Variants in NRG1 observed in about 807,000 individuals in gnomAD.
NRG1 encodes pro-neuregulin-1, membrane-bound isoform.
A neutral mutation model predicts 63.8 loss-of-function variants in NRG1; 18 were observed. The ratio of observed to expected loss-of-function variants is 0.28; its 90% CI spans 0.19 to 0.42. The LOEUF is 0.42. Among genes scored for constraint, NRG1 ranks in the 10% least tolerant of loss-of-function variants. The pLI is 1.00. For missense variants in NRG1, 762 were observed against 814.7 expected, an observed-to-expected ratio of 0.94 and a Z score of 0.79; for synonymous variants, 302 against 301.3, an observed-to-expected ratio of 1.00 and a Z score of -0.02.
At chr8:32,705,955 A>G (rs1454774966) in intron 5 of NRG1, among the ~76,000 whole-genome samples, 1 of 152,220 alleles carries the variant, frequency 6.6e-6, no homozygotes, top group African/African-American at 2.4e-5. Flanking sequence ...GACTATTTCT[A>G]TAAATTTCTT....
chr8:32,303,550 G>T (rs1336763503), intron 1 of NRG1, among the ~76,000 whole-genome samples: 1 of 152,150 alleles, frequency 6.6e-6, no homozygotes, highest in Non-Finnish European at 1.5e-5. Context: ...CTGTTAAAGT[G>T]CCAGCACCGT....
chr8:32,728,297 T>C (rs1361186908), intron 6 of NRG1: 2 of 983,732 alleles, frequency 2.0e-6, no homozygotes, highest in South Asian at 4.7e-5. Context: ...GTGTGAGGTG[T>C]TTTTTGTTTT....
chr8:32,420,658 T>G (rs1563440731), intron 1 of NRG1, among the ~76,000 whole-genome samples: 1 of 152,134 alleles, frequency 6.6e-6, no homozygotes. Flanking sequence ...GTTTACAACA[T>G]TTTTGCTCTC....
At chr8:32,500,303 T>C (rs1157271864) in intron 1 of NRG1, among the ~76,000 whole-genome samples, 1 of 152,162 alleles carries the variant, frequency 6.6e-6, no homozygotes. Context: ...CTGTAATACC[T>C]ATAGATTGGG....
chr8:31,984,297 C>T (rs1411043749), intron 1 of NRG1, among the ~76,000 whole-genome samples: 1 of 152,054 alleles, frequency 6.6e-6, no homozygotes, highest in Non-Finnish European at 1.5e-5. Context: ...AGAGAAAACA[C>T]TGAGCATCTT....
At chr8:32,370,071 A>G (rs779829327) in intron 1 of NRG1, among the ~76,000 whole-genome samples, 1 of 152,186 alleles carries the variant, frequency 6.6e-6, no homozygotes, top group Non-Finnish European at 1.5e-5. Context: ...GGGGAGAAGG[A>G]CTGACATGAA....
At chr8:32,256,365 G>C (rs894591917) in intron 1 of NRG1, 3 of 152,118 alleles carry the variant, frequency 2.0e-5, no homozygotes, top group Non-Finnish European at 2.9e-5. Context: ...CTTTGGATGG[G>C]GTTTTTGTGT....
intron 1 of NRG1, among the ~76,000 whole-genome samples, chr8:32,017,797 T>C (rs1815796984): frequency 6.6e-6 from 1 of 152,198 alleles, no homozygotes; most frequent in Non-Finnish European, 1.5e-5. Context: ...CTCCACACAT[T>C]TGGCTCTCCA....
chr8:32,759,728 A>C (rs1269993451), intron 10 of NRG1, among the ~76,000 whole-genome samples: 1 of 152,178 alleles, frequency 6.6e-6, no homozygotes, highest in Non-Finnish European at 1.5e-5. Flanking sequence ...AATACTTAGA[A>C]GTCAATTTCT....
At position 31,702,446 on chromosome 8, in the gene NRG1, A is replaced by G. The variant is rs948206947; in HGVS notation, c.37+63015A>G. Among the ~76,000 whole-genome samples, 7 of 126,288 alleles carry G rather than the reference A, an allele frequency of 5.5e-5. No individual in the cohort carries two copies. In the East Asian group the frequency reaches 9.4e-4, roughly 17 times the overall value. The allele number at this position is 126,288 out of a possible 152,430, so 82.8% of individuals were successfully genotyped here. A position where few individuals can be genotyped will look rare whatever the true frequency, so the allele number is the denominator to read the frequency against. ...AAGGAAAAACTACCTAAAATTTCCC[A>G]TAACATTTTTTTTTTTTTGCAGACT... On this transcript the variant is annotated intron_variant, in intron 1 of 10. Transcript: ENST00000519301.
chr8:31,745,736 G>C (rs771761698), intron 1 of NRG1, among the ~76,000 whole-genome samples: 1 of 151,924 alleles, frequency 6.6e-6, no homozygotes. Context: ...CTGTGAGCAT[G>C]AATGAGCCAA....
At chr8:32,058,993 A>G (rs976567118) in intron 1 of NRG1, among the ~76,000 whole-genome samples, 5 of 152,070 alleles carry the variant, frequency 3.3e-5, no homozygotes, top group Non-Finnish European at 5.9e-5. Context: ...AAAGTAGAAC[A>G]ATAAACAGTA....
At position 32,458,604 on chromosome 8, in the gene NRG1, T is replaced by A. The variant is rs561862638; in HGVS notation, c.38-137224T>A. ...TTGCTTTATGAATTTTGACATGATA[T>A]TTTCATCATGTGTAGATATCATACC... On this transcript the variant is annotated intron_variant, in intron 1 of 10. Transcript: ENST00000519301. 7.9e-5 allele frequency among the ~76,000 whole-genome samples: 12 copies of A among 152,316 alleles called. No individual in the cohort carries two copies. The South Asian group carries it at 2.5e-3, about 32-fold the overall frequency.
At chr8:31,722,935 A>G (rs963453258) in intron 1 of NRG1, among the ~76,000 whole-genome samples, 3 of 152,178 alleles carry the variant, frequency 2.0e-5, no homozygotes, top group Non-Finnish European at 4.4e-5. Context: ...TGACCATGAT[A>G]TATAAAGTCA....
At chr8:32,535,797 G>C (rs1271436871) in intron 1 of NRG1, among the ~76,000 whole-genome samples, 1 of 152,036 alleles carries the variant, frequency 6.6e-6, no homozygotes, top group Non-Finnish European at 1.5e-5. Flanking sequence ...CGCACTTTTT[G>C]TGCCTGGAAT....
chr8:32,364,921 T>C (rs555171447), intron 1 of NRG1, among the ~76,000 whole-genome samples: 1 of 150,898 alleles, frequency 6.6e-6, no homozygotes, highest in East Asian at 2.0e-4. Context: ...TAGCTTTTAT[T>C]CATGTTTAAA....
Position 31,814,392 on chromosome 8 carries a change from C to T in NRG1, c.37+174961C>T, listed in dbSNP as rs769575797. Among the ~76,000 whole-genome samples, 19 of 152,218 alleles carry T rather than the reference C, an allele frequency of 1.2e-4. 1 individual carries two copies. Among genetic ancestry groups the T allele is most frequent in the Middle Eastern group, 3.4e-3 (1 of 294 alleles). The stretch of plus-strand genomic sequence containing the variant: ...ATAAAATCTCTTTGGACCTCAGTTA[C>T]GCAACTGTGAAATTGTGCTATAGGG... On this transcript the variant is annotated intron_variant, in intron 1 of 10. Transcript: ENST00000519301.
At chr8:31,654,451 TG>T (rs1246677574) in intron 1 of NRG1, among the ~76,000 whole-genome samples, 29 of 152,226 alleles carry the variant, frequency 1.9e-4, no homozygotes, top group Non-Finnish European at 1.2e-4. Flanking sequence ...AAGATACTTG[TG>T]AATTATGTGT....
At chr8:32,672,565 G>T (rs1805967277) in intron 5 of NRG1, among the ~76,000 whole-genome samples, 1 of 152,002 alleles carries the variant, frequency 6.6e-6, no homozygotes, top group African/African-American at 2.4e-5. Flanking sequence ...TGATTTATTG[G>T]TTACATGTTA....
Sources: gnomAD v4.1 joint callset for allele counts (sites outside exome capture counted in the v4.1 genomes callset) on GRCh38, gnomAD v4.1.1 for gene constraint, MANE v1.5 for transcripts, NCBI Gene and HGNC (gene_info 2026-07-23, HGNC 2026-07-21) for gene names.